Variants in AGL observed in about 807,000 individuals in gnomAD.
AGL encodes the protein glycogen debranching enzyme.
AGL carries 128 observed loss-of-function variants against 199.3 expected under a neutral mutation model. That is an observed-to-expected ratio of 0.64 (90% CI 0.56 to 0.74). The LOEUF (loss-of-function observed/expected upper bound fraction) is 0.74, where lower values mean the gene tolerates loss of function less well. AGL is among the 30% of genes least tolerant of loss of function. The pLI, the probability that AGL is intolerant of heterozygous loss-of-function variation, is 0.00. For synonymous variants in AGL, 584 were observed against 594.7 expected, an observed-to-expected ratio of 0.98 and a Z score of 0.26; for missense variants, 1,809 against 1,820.8, an observed-to-expected ratio of 0.99 and a Z score of 0.12.
intron 3 of AGL, 98 bp from the exon 4 acceptor site, chr1:99,862,159 T>C: frequency 8.5e-7 from 1 of 1,179,152 alleles, no homozygotes; most frequent in South Asian, 1.3e-5. Context: ...TACATTTTAT[T>C]TGGGACAATT....
intron 27 of AGL, among the ~76,000 whole-genome samples, chr1:99,906,836 T>A (rs1270456456): frequency 6.6e-6 from 1 of 152,222 alleles, no homozygotes; most frequent in Non-Finnish European, 1.5e-5. Flanking sequence ...AGTTAACATG[T>A]GTATGCAAAT....
chr1:99,890,020 T>C (rs533899499), intron 21 of AGL, among the ~76,000 whole-genome samples: 10 of 152,312 alleles, frequency 6.6e-5, no homozygotes, highest in Admixed American at 1.3e-4. Flanking sequence ...TCTAGTCATG[T>C]TGGAATCCAG....
chr1:99,907,961 G>A (rs964226582), intron 27 of AGL, among the ~76,000 whole-genome samples: 2 of 151,956 alleles, frequency 1.3e-5, no homozygotes, highest in East Asian at 1.9e-4. Flanking sequence ...CTCCCATATT[G>A]TGGGTTGTCT....
intron 33 of AGL, among the ~76,000 whole-genome samples, chr1:99,917,551 C>T (rs976289338): frequency 3.9e-5 from 6 of 152,174 alleles, no homozygotes; most frequent in East Asian, 3.8e-4. Flanking sequence ...AGACCATTTA[C>T]ACTTAAGGTC....
At chr1:99,885,325 T>G (rs1370619246) in intron 20 of AGL, among the ~76,000 whole-genome samples, 1 of 152,206 alleles carries the variant, frequency 6.6e-6, no homozygotes, top group Non-Finnish European at 1.5e-5. Context: ...ATCTGGAAAA[T>G]TTTGTAAGAA....
chr1:99,858,138 C>T (rs1649726713), intron 2 of AGL, among the ~76,000 whole-genome samples: 1 of 152,102 alleles, frequency 6.6e-6, no homozygotes, highest in South Asian at 2.1e-4. Context: ...AAATAACAGT[C>T]TCTATATTAC....
At chr1:99,869,759 G>T (rs1028172464) in intron 5 of AGL, among the ~76,000 whole-genome samples, 1 of 152,096 alleles carries the variant, frequency 6.6e-6, no homozygotes, top group African/African-American at 2.4e-5. Context: ...ATAATTATTA[G>T]TCCATTTTAA....
chr1:99,881,214 C>T (rs568860502), intron 15 of AGL, 37 bp downstream of exon 15: 2 of 1,612,374 alleles, frequency 1.2e-6, no homozygotes, highest in East Asian at 4.5e-5. Context: ...CCTACATGGC[C>T]AACAACTTTG....
chr1:99,864,007 A>C (rs537020923), intron 4 of AGL, among the ~76,000 whole-genome samples: 1 of 152,328 alleles, frequency 6.6e-6, no homozygotes, highest in African/African-American at 2.4e-5. Context: ...GTTCACTGAC[A>C]TAACTAAAAC....
chr1:99,917,380 C>A (rs1655203155), intron 33 of AGL, among the ~76,000 whole-genome samples: 1 of 152,136 alleles, frequency 6.6e-6, no homozygotes, highest in Non-Finnish European at 1.5e-5. Flanking sequence ...ATTAATAGAG[C>A]CACTCCTGGT....
chr1:99,857,583 G>A (rs1210733275), intron 2 of AGL, among the ~76,000 whole-genome samples: 1 of 151,844 alleles, frequency 6.6e-6, no homozygotes, highest in Non-Finnish European at 1.5e-5. Flanking sequence ...GCCGAGGCTG[G>A]TGGATCACTC....
chr1:99,859,979 T>C lies in AGL; in HGVS notation c.83-1524T>C, dbSNP rs142250895. On this transcript the variant is annotated intron_variant, in intron 2 of 33. Coordinates refer to ENST00000361915, the MANE Select transcript of AGL (RefSeq NM_000642.3). Reference sequence around the variant, plus strand: ...TATTTCATTTCAATAAATGAGGCTGTGATAAATATCCTTATACATAATCTC... The same window carrying C: ...TATTTCATTTCAATAAATGAGGCTGCGATAAATATCCTTATACATAATCTC... Among the ~76,000 whole-genome samples, 172 of 152,364 alleles carry C rather than the reference T, an allele frequency of 1.1e-3. 2 individuals carry two copies. The East Asian group carries it at 0.03, about 26-fold the overall frequency.
At position 99,915,440 on chromosome 1, in the gene AGL, G is replaced by GA. The variant is rs786204655; in HGVS notation, c.4221dup (p.Leu1408IlefsTer14). 12 of 1,612,970 alleles carry GA rather than the reference G, an allele frequency of 7.4e-6. No homozygotes were observed. Among genetic ancestry groups the GA allele is most frequent in the Middle Eastern group, 1.7e-4 (1 of 6,058 alleles). On this transcript the variant is annotated frameshift_variant, in exon 31 of 34. Transcript: ENST00000361915. LOFTEE classifies it high-confidence loss of function. ...AGCATGGAAAGCTTTGGAGATTGCA[G>GA]AAAAAAAATTGCTTGGTCCCCTTGG...
At chr1:99,872,784 C>A (rs1402215664) in intron 7 of AGL, among the ~76,000 whole-genome samples, 1 of 152,190 alleles carries the variant, frequency 6.6e-6, no homozygotes, top group Non-Finnish European at 1.5e-5. Flanking sequence ...GCCTCAGCCT[C>A]CCAAAGTACT....
At chr1:99,854,354 AAG>A (rs980700059) in intron 2 of AGL, among the ~76,000 whole-genome samples, 8 of 152,252 alleles carry the variant, frequency 5.3e-5, no homozygotes. Flanking sequence ...TTTATGAAAA[AAG>A]AATGATGTGG....
chr1:99,852,837 C>A, intron 2 of AGL: 1 of 716,892 alleles, frequency 1.4e-6, no homozygotes, highest in Non-Finnish European at 2.6e-6. Context: ...CATGTATTCC[C>A]ACCCTGGACC....
At chr1:99,886,715 T>C (rs1652481563) in intron 20 of AGL, among the ~76,000 whole-genome samples, 1 of 152,230 alleles carries the variant, frequency 6.6e-6, no homozygotes, top group African/African-American at 2.4e-5. Flanking sequence ...TTTGTTGAAG[T>C]GTTGTTTTAT....
chr1:99,852,028 AT>A (rs962734964), intron 2 of AGL, among the ~76,000 whole-genome samples: 58 of 151,044 alleles, frequency 3.8e-4, no homozygotes, highest in African/African-American at 1.0e-3. Context: ...TCTGGTTTTG[AT>A]TTTTTTTTCC....
At chr1:99,901,592 A>T (rs1653842711) in intron 26 of AGL, among the ~76,000 whole-genome samples, 1 of 152,118 alleles carries the variant, frequency 6.6e-6, no homozygotes, top group East Asian at 1.9e-4. Context: ...GAGCCAGGTT[A>T]TGGAGAGCCT....
Sources: gnomAD v4.1 joint callset for allele counts (sites outside exome capture counted in the v4.1 genomes callset) on GRCh38, gnomAD v4.1.1 for gene constraint, MANE v1.5 for transcripts, NCBI Gene and HGNC (gene_info 2026-07-23, HGNC 2026-07-21) for gene names.